The following PPP1R12B variants were observed in gnomAD, a reference collection of about 807,000 sequenced individuals.
PPP1R12B encodes myosin phosphatase target subunit 2.
A neutral mutation model predicts 126.1 loss-of-function variants in PPP1R12B; 76 were observed. The observed-to-expected ratio is 0.60, with a 90% CI of 0.50 to 0.73. The LOEUF is 0.73. PPP1R12B is among the 30% of genes least tolerant of loss of function. The probability of loss-of-function intolerance (pLI) is 0.00; values close to 1 mark genes in which losing one functional copy is unlikely to be tolerated. For synonymous variants in PPP1R12B, 356 were observed against 434.7 expected (o/e 0.82, Z 2.25); for missense variants, 1,052 against 1,205.1 (o/e 0.87, Z 1.88).
chr1:202,377,348 G>A lies in PPP1R12B; in HGVS notation c.291+28206G>A, dbSNP rs368115579. ...TTTTTTTTTTCGCTCTGTCGCCCAG[G>A]CTGGAGTTCAGTGGCGTGATCTCGA... On this transcript the variant is annotated intron_variant, in intron 1 of 23. Transcript: ENST00000608999. Among the ~76,000 whole-genome samples the A allele has an allele frequency of 4.6e-5, 7 of 151,674 alleles. No individual in the cohort carries two copies. In the East Asian group the frequency reaches 9.7e-4, roughly 21 times the overall value.
At chr1:202,484,709 G>A (rs1365612313) in intron 13 of PPP1R12B, among the ~76,000 whole-genome samples, 2 of 152,150 alleles carry the variant, frequency 1.3e-5, no homozygotes, top group Non-Finnish European at 2.9e-5. Context: ...GCTTGTCTGG[G>A]AAGGTCTTTA....
chr1:202,588,125 C>T lies in PPP1R12B; in HGVS notation c.*7565C>T, dbSNP rs1689933404. The T allele has an allele frequency of 6.6e-6, 1 of 152,602 alleles. No individual in the cohort carries two copies. Among genetic ancestry groups the T allele is most frequent in the Non-Finnish European group, 1.5e-5 (1 of 68,030 alleles). 9.5% of individuals were successfully genotyped at this position (152,602 alleles called of 1,614,324 possible). ...TTTGGCTTTATGGTTTTCCTTCCTC[C>T]TTGTCTTTGCCCTGACCTTGATCAA... is the stretch of plus-strand genomic sequence containing the variant. On this transcript the variant is annotated 3_prime_UTR_variant, in exon 24 of 24. Coordinates refer to ENST00000608999, the MANE Select transcript of PPP1R12B (RefSeq NM_002481.4).
At chr1:202,535,393 T>C (rs2148949650) in intron 18 of PPP1R12B, among the ~76,000 whole-genome samples, 1 of 151,714 alleles carries the variant, frequency 6.6e-6, no homozygotes, top group Non-Finnish European at 1.5e-5. Context: ...ATTACTCAAC[T>C]GGTTCATTAA....
At chr1:202,512,097 T>G (rs942239564) in intron 18 of PPP1R12B, among the ~76,000 whole-genome samples, 99 of 152,136 alleles carry the variant, frequency 6.5e-4, no homozygotes, top group Non-Finnish European at 1.4e-3. Context: ...AAAAGCATAA[T>G]TAAAGCAGAA....
intron 12 of PPP1R12B, among the ~76,000 whole-genome samples, chr1:202,447,679 T>A (rs1453272520): frequency 6.6e-6 from 1 of 152,214 alleles, no homozygotes; most frequent in Non-Finnish European, 1.5e-5. Context: ...TGTAATTTAA[T>A]AAAATAAAAT....
intron 3 of PPP1R12B, among the ~76,000 whole-genome samples, chr1:202,423,518 G>A (rs1473573992): frequency 6.6e-6 from 1 of 152,210 alleles, no homozygotes; most frequent in Non-Finnish European, 1.5e-5. Context: ...CACAACAGCA[G>A]AGTTGAGTAG....
At chr1:202,402,834 A>G (rs906883459) in intron 1 of PPP1R12B, among the ~76,000 whole-genome samples, 2 of 152,236 alleles carry the variant, frequency 1.3e-5, no homozygotes. Flanking sequence ...CGTGCTTTTC[A>G]CTGTATGTAA....
intron 18 of PPP1R12B, among the ~76,000 whole-genome samples, chr1:202,498,757 C>G (rs950222437): frequency 2.0e-5 from 3 of 152,204 alleles, no homozygotes; most frequent in African/African-American, 7.2e-5. Context: ...GTTGACTCAG[C>G]TCTGCAACAA....
At chr1:202,556,078 G>A (rs1247438724) in intron 18 of PPP1R12B, among the ~76,000 whole-genome samples, 9 of 152,062 alleles carry the variant, frequency 5.9e-5, no homozygotes, top group South Asian at 4.2e-4. Context: ...GTTTTGCCAC[G>A]TTGGCCAGGT....
chr1:202,542,122 A>C (rs560844989), intron 18 of PPP1R12B, among the ~76,000 whole-genome samples: 1 of 152,228 alleles, frequency 6.6e-6, no homozygotes, highest in Non-Finnish European at 1.5e-5. Context: ...GGCTGCTGAC[A>C]CTAAGGACTG....
chr1:202,576,755 A>G (rs1689128808), intron 23 of PPP1R12B: 2 of 152,066 alleles, frequency 1.3e-5, no homozygotes, highest in Admixed American at 6.6e-5. Flanking sequence ...GTTGTCATTT[A>G]TTTAAGGCCT....
rs549330516 is a variant in PPP1R12B, at chr1:202,427,141, T to C, written c.803T>C (p.Ile268Thr). ...AHWGVKEACS[I>T]LAEALCDMDI... ...TGGGGAGTGAAGGAGGCTTGCTCCA[T>C]CCTGGCAGAAGCACTTTGTGACATG... Residue 268 changes from isoleucine (I) to threonine (T), a missense_variant, in exon 5 of 24, where the codon ATC becomes ACC. Coordinates refer to ENST00000608999, the MANE Select transcript of PPP1R12B (RefSeq NM_002481.4). 1.9e-5 allele frequency: 30 copies of C among 1,614,184 alleles called. No individual in the cohort carries two copies. In the South Asian group the frequency reaches 3.3e-4, roughly 18 times the overall value.
chr1:202,470,149 A>G (rs1182756968), intron 13 of PPP1R12B, among the ~76,000 whole-genome samples: 2 of 152,202 alleles, frequency 1.3e-5, no homozygotes, highest in Non-Finnish European at 2.9e-5. Flanking sequence ...GAGTCCACCT[A>G]TGCTAACACG....
intron 18 of PPP1R12B, among the ~76,000 whole-genome samples, chr1:202,529,157 A>G (rs1007845564): frequency 6.6e-6 from 1 of 152,192 alleles, no homozygotes; most frequent in African/African-American, 2.4e-5. Context: ...GATAAAGTGT[A>G]TATAGATGGC....
At chr1:202,470,602 A>G (rs1675718439) in intron 13 of PPP1R12B, among the ~76,000 whole-genome samples, 1 of 152,160 alleles carries the variant, frequency 6.6e-6, no homozygotes. Flanking sequence ...TTTTCTTTTA[A>G]AAGATTATTG....
intron 1 of PPP1R12B, among the ~76,000 whole-genome samples, chr1:202,356,807 A>C (rs1657183662): frequency 6.6e-6 from 1 of 151,448 alleles, no homozygotes; most frequent in South Asian, 2.1e-4. Context: ...CAGCCCAATG[A>C]GACTGATTTC....
chr1:202,357,083 A>G (rs572420425), intron 1 of PPP1R12B, among the ~76,000 whole-genome samples: 1 of 152,140 alleles, frequency 6.6e-6, no homozygotes, highest in Non-Finnish European at 1.5e-5. Flanking sequence ...TGGCCTCCCA[A>G]GGATTACAGG....
At chr1:202,443,370 A>G (rs1197753289) in intron 12 of PPP1R12B, among the ~76,000 whole-genome samples, 2 of 152,154 alleles carry the variant, frequency 1.3e-5, no homozygotes, top group Non-Finnish European at 2.9e-5. Context: ...TTTTTAGATG[A>G]TTGGTTGGCT....
intron 18 of PPP1R12B, among the ~76,000 whole-genome samples, chr1:202,548,757 G>A (rs1354831793): frequency 3.4e-5 from 5 of 145,164 alleles, no homozygotes; most frequent in African/African-American, 1.0e-4. Flanking sequence ...ATGATCATGC[G>A]CTCGCTCACT....
Sources: gnomAD v4.1 joint callset for allele counts (sites outside exome capture counted in the v4.1 genomes callset) on GRCh38, gnomAD v4.1.1 for gene constraint, MANE v1.5 for transcripts, NCBI Gene and HGNC (gene_info 2026-07-23, HGNC 2026-07-21) for gene names.